Variants in MPP7 observed in about 807,000 individuals in gnomAD.
The protein encoded by MPP7 is MAGUK p55 scaffold protein 7.
In MPP7, 60 loss-of-function variants were observed where a neutral mutation model predicts 76.5. The observed-to-expected ratio is 0.78, with a 90% confidence interval of 0.64 to 0.97. The LOEUF (loss-of-function observed/expected upper bound fraction) is 0.97. MPP7 is among the 50% of genes least tolerant of loss of function. The probability of loss-of-function intolerance (pLI) is 0.00; values close to 1 mark genes in which losing one functional copy is unlikely to be tolerated. For synonymous variants in MPP7, 237 were observed against 244.5 expected, an observed-to-expected ratio of 0.97 and a Z score of 0.29; for missense variants, 641 against 694.0, an observed-to-expected ratio of 0.92 and a Z score of 0.86.
At chr10:28,071,803 A>C (rs1209739320) in intron 12 of MPP7, among the ~76,000 whole-genome samples, 1 of 152,236 alleles carries the variant, frequency 6.6e-6, no homozygotes, top group East Asian at 1.9e-4. Context: ...ACAAGAAAGA[A>C]CAGGAAAACA....
intron 1 of MPP7, among the ~76,000 whole-genome samples, chr10:28,278,041 G>A (rs1314615131): frequency 6.6e-6 from 1 of 151,834 alleles, no homozygotes; most frequent in Non-Finnish European, 1.5e-5. Flanking sequence ...AGAAGAACAG[G>A]GCCAGATTAA....
Position 28,284,475 on chromosome 10 carries a change from G to T in MPP7, c.-132+18386C>A, listed in dbSNP as rs141119806. Reference sequence around the variant, plus strand: ...GAAGAAGCCAGTGAAGTCTGCAGCTGAAGACTGAAGAAAGTTGCCTTCCCT... The same window carrying T: ...GAAGAAGCCAGTGAAGTCTGCAGCTTAAGACTGAAGAAAGTTGCCTTCCCT... On this transcript the variant is annotated intron_variant, in intron 1 of 16. Coordinates refer to ENST00000683449, the MANE Select transcript of MPP7 (RefSeq NM_001318170.2). Among the ~76,000 whole-genome samples the T allele has an allele frequency of 4.8e-3, 730 of 152,294 alleles. 5 individuals are homozygous for T. The highest frequency in any genetic ancestry group is 8.5e-3 in the Non-Finnish European group (576 of 68,022).
At chr10:28,330,928 C>T (rs1834465176) in intron 1 of MPP7, among the ~76,000 whole-genome samples, 1 of 152,082 alleles carries the variant, frequency 6.6e-6, no homozygotes, top group Admixed American at 6.5e-5. Flanking sequence ...CCCAAAATGC[C>T]AGTATTACAG....
intron 1 of MPP7, among the ~76,000 whole-genome samples, chr10:28,288,581 T>G (rs1005908927): frequency 2.0e-5 from 3 of 152,118 alleles, no homozygotes; most frequent in African/African-American, 7.2e-5. Flanking sequence ...ACTCTAAAAT[T>G]TCCCACTTAT....
intron 2 of MPP7, among the ~76,000 whole-genome samples, chr10:28,324,583 A>T (rs1273097): frequency 0.25 from 37,395 of 152,150 alleles, 6,064 homozygotes; most frequent in African/African-American, 0.46. Flanking sequence ...ATAAAATAGA[A>T]CATATAGGAT....
chr10:28,285,958 A>G (rs1840781073), intron 1 of MPP7, among the ~76,000 whole-genome samples: 3 of 152,194 alleles, frequency 2.0e-5, no homozygotes, highest in Admixed American at 1.3e-4. Flanking sequence ...AGGAAAGTCT[A>G]TCAAGTACAA....
intron 11 of MPP7, among the ~76,000 whole-genome samples, chr10:28,115,457 A>G (rs990711542): frequency 6.6e-6 from 1 of 152,190 alleles, no homozygotes. Context: ...AGACCCCACC[A>G]ATATTAAGAA....
At chr10:28,246,212 T>C (rs1327848776) in intron 1 of MPP7, among the ~76,000 whole-genome samples, 1 of 151,816 alleles carries the variant, frequency 6.6e-6, no homozygotes, top group Non-Finnish European at 1.5e-5. Flanking sequence ...AAGAGAAAAA[T>C]GACTCATCAT....
At chr10:28,328,730 A>G (rs1834443709) in intron 2 of MPP7, among the ~76,000 whole-genome samples, 2 of 152,200 alleles carry the variant, frequency 1.3e-5, no homozygotes, top group Admixed American at 1.3e-4. Context: ...TGCAGCGTTT[A>G]CATTTTCTGT....
intron 3 of MPP7, among the ~76,000 whole-genome samples, chr10:28,176,864 G>T (rs10740783): frequency 1.5e-5 from 2 of 136,342 alleles, no homozygotes; most frequent in Non-Finnish European, 1.5e-5. Flanking sequence ...ACATCACACA[G>T]CGGAGCCTGT....
At chr10:28,111,557 G>A (rs988905118) in intron 11 of MPP7, among the ~76,000 whole-genome samples, 6 of 151,822 alleles carry the variant, frequency 4.0e-5, no homozygotes, top group Admixed American at 1.3e-4. Context: ...GAAATTTCTC[G>A]ATAAAAATAG....
intron 2 of MPP7, among the ~76,000 whole-genome samples, chr10:28,320,582 C>A (rs1474995945): frequency 6.6e-6 from 1 of 151,940 alleles, no homozygotes; most frequent in Non-Finnish European, 1.5e-5. Context: ...ATAAAACTAT[C>A]GAAGTGACCG....
intron 1 of MPP7, among the ~76,000 whole-genome samples, chr10:28,288,227 G>C (rs1277254581): frequency 1.3e-5 from 2 of 152,074 alleles, no homozygotes; most frequent in Non-Finnish European, 2.9e-5. Context: ...ATATACAAAA[G>C]GGTTATTATG....
intron 11 of MPP7, among the ~76,000 whole-genome samples, chr10:28,111,577 A>G (rs1459222131): frequency 6.6e-6 from 1 of 152,226 alleles, no homozygotes; most frequent in African/African-American, 2.4e-5. Context: ...GTGGAAAGAA[A>G]AAAGGATATT....
At chr10:28,252,792 C>A (rs1015397735) in intron 1 of MPP7, among the ~76,000 whole-genome samples, 1 of 152,146 alleles carries the variant, frequency 6.6e-6, no homozygotes, top group African/African-American at 2.4e-5. Flanking sequence ...GCAAATATTT[C>A]TCCTGATAAT....
chr10:28,249,363 G>T (rs1335849571), intron 1 of MPP7, among the ~76,000 whole-genome samples: 5 of 152,002 alleles, frequency 3.3e-5, no homozygotes, highest in Admixed American at 3.3e-4. Flanking sequence ...CCAAGGTGGG[G>T]GGATCACATG....
At chr10:28,286,321 G>A (rs1324276611) in intron 1 of MPP7, among the ~76,000 whole-genome samples, 3 of 151,612 alleles carry the variant, frequency 2.0e-5, no homozygotes. Context: ...ACTCCAGCCT[G>A]GGCAACAGAG....
At chr10:28,165,833 T>C (rs556025684) in intron 3 of MPP7, among the ~76,000 whole-genome samples, 8 of 152,198 alleles carry the variant, frequency 5.3e-5, no homozygotes, top group African/African-American at 4.8e-5. Context: ...GAGACCAGCC[T>C]GGCCAACATG....
At chr10:28,301,826 G>A (rs1169733192) in intron 1 of MPP7, among the ~76,000 whole-genome samples, 2 of 152,046 alleles carry the variant, frequency 1.3e-5, no homozygotes, top group African/African-American at 4.8e-5. Flanking sequence ...CTCTCCAAGG[G>A]CCATCGCTGT....
Sources: gnomAD v4.1 joint callset for allele counts (sites outside exome capture counted in the v4.1 genomes callset) on GRCh38, gnomAD v4.1.1 for gene constraint, MANE v1.5 for transcripts, NCBI Gene and HGNC (gene_info 2026-07-23, HGNC 2026-07-21) for gene names.